NLN: variants seen among roughly 807,000 people sequenced by gnomAD.
NLN encodes the protein neurolysin.
NLN carries 64 observed loss-of-function variants against 79.9 expected under a neutral mutation model. That is an observed-to-expected ratio of 0.80 (90% confidence interval 0.65 to 0.99). NLN has a LOEUF of 0.99. NLN is among the 50% of genes least tolerant of loss of function. NLN has a pLI of 0.00. For missense variants in NLN, 835 were observed against 858.7 expected, an observed-to-expected ratio of 0.97 and a Z score of 0.34; for synonymous variants, 267 against 296.6, an observed-to-expected ratio of 0.90 and a Z score of 1.02.
At chr5:65,727,720 T>C (rs1463711167) in intron 1 of NLN, among the ~76,000 whole-genome samples, 1 of 152,172 alleles carries the variant, frequency 6.6e-6, no homozygotes, top group Non-Finnish European at 1.5e-5. Context: ...ACAATAGCTG[T>C]AATAGCCTAG....
At chr5:65,738,530 G>A (rs549520621) in intron 1 of NLN, among the ~76,000 whole-genome samples, 2 of 151,748 alleles carry the variant, frequency 1.3e-5, no homozygotes, top group Non-Finnish European at 2.9e-5. Flanking sequence ...CCGTGATTGC[G>A]CCACTGCACT....
intron 11 of NLN, among the ~76,000 whole-genome samples, chr5:65,811,502 C>G (rs1760543932): frequency 6.6e-6 from 1 of 151,920 alleles, no homozygotes; most frequent in Non-Finnish European, 1.5e-5. Context: ...AGTAGCCCTA[C>G]AGGTAGATTG....
chr5:65,790,252 G>A (rs1290525979), intron 8 of NLN, among the ~76,000 whole-genome samples: 1 of 152,108 alleles, frequency 6.6e-6, no homozygotes, highest in Non-Finnish European at 1.5e-5. Flanking sequence ...CTGACTTTGA[G>A]TGCTGAAAAG....
intron 9 of NLN, among the ~76,000 whole-genome samples, chr5:65,797,173 C>G (rs913879348): frequency 6.6e-6 from 1 of 152,184 alleles, no homozygotes; most frequent in African/African-American, 2.4e-5. Flanking sequence ...AATCACTAGC[C>G]TTTGAACTTC....
chr5:65,799,843 C>T (rs897249353), intron 9 of NLN, among the ~76,000 whole-genome samples: 12 of 152,012 alleles, frequency 7.9e-5, no homozygotes, highest in Admixed American at 2.6e-4. Flanking sequence ...AGTGATCACT[C>T]GGTATGTGTG....
intron 9 of NLN, among the ~76,000 whole-genome samples, chr5:65,795,645 C>CCACT (rs949801684): frequency 1.3e-5 from 2 of 152,112 alleles, no homozygotes; most frequent in Non-Finnish European, 1.5e-5. Context: ...CAAGATCGTG[C>CCACT]CACTGCACTC....
At chr5:65,769,473 A>G (rs892363706) in intron 3 of NLN, among the ~76,000 whole-genome samples, 2 of 152,226 alleles carry the variant, frequency 1.3e-5, no homozygotes. Flanking sequence ...TGTGATTATT[A>G]CATATTGCTT....
chr5:65,812,552 G>C (rs1023326108), intron 12 of NLN, among the ~76,000 whole-genome samples, 161 bp downstream of exon 12: 4 of 152,022 alleles, frequency 2.6e-5, no homozygotes, highest in Admixed American at 2.6e-4. Flanking sequence ...ACATCATTAA[G>C]TTGCAGTATA....
intron 1 of NLN, among the ~76,000 whole-genome samples, chr5:65,747,568 A>G (rs1759011289): frequency 1.3e-5 from 2 of 152,160 alleles, no homozygotes; most frequent in African/African-American, 4.8e-5. Context: ...TGAAACTACA[A>G]TTGGAAGCCC....
intron 3 of NLN, among the ~76,000 whole-genome samples, chr5:65,776,156 G>A (rs1229710255): frequency 1.3e-5 from 2 of 152,208 alleles, no homozygotes; most frequent in East Asian, 3.9e-4. Flanking sequence ...GGGAGGCCGA[G>A]GCATGAGAAT....
At chr5:65,822,581 C>T (rs1760826680) in intron 12 of NLN, among the ~76,000 whole-genome samples, 200 bp from the exon 13 acceptor site, 1 of 152,086 alleles carries the variant, frequency 6.6e-6, no homozygotes, top group African/African-American at 2.4e-5. Flanking sequence ...GTGTAGAAGA[C>T]CTGAAGTTTT....
chr5:65,803,668 C>T (rs1050728644), intron 9 of NLN, among the ~76,000 whole-genome samples: 12 of 151,638 alleles, frequency 7.9e-5, no homozygotes, highest in South Asian at 6.3e-4. Context: ...CTTAGGAAAC[C>T]GCAGCTGTGC....
chr5:65,818,812 G>A (rs1760729968), intron 12 of NLN: 1 of 152,102 alleles, frequency 6.6e-6, no homozygotes, highest in South Asian at 2.1e-4. Context: ...GAAGGAGACA[G>A]CTCTGGCTGC....
At chr5:65,735,757 A>G (rs906829468) in intron 1 of NLN, among the ~76,000 whole-genome samples, 16 of 152,140 alleles carry the variant, frequency 1.1e-4, no homozygotes, top group Non-Finnish European at 5.9e-5. Context: ...AAATCCCTAT[A>G]CAGTCTGACC....
chr5:65,812,339 C>T lies in NLN; in HGVS notation c.1928C>T (p.Ser643Phe), dbSNP rs1402294853. ...GGATATCTTTGGAGTGAAGTATTTT[C>T]CATGGATATGTTTTACAGCTGTTTT... is the stretch of plus-strand genomic sequence containing the variant. Reference protein sequence around the residue: ...YYGYLWSEVFSMDMFYSCFKK... With the variant: ...YYGYLWSEVFFMDMFYSCFKK... Residue 643 changes from serine to phenylalanine, a missense_variant, in exon 12 of 13, where the codon TCC becomes TTC. By Grantham distance (155) the Ser-to-Phe change is radical. Coordinates refer to ENST00000380985, the MANE Select transcript of NLN (RefSeq NM_020726.5). 6.3e-6 allele frequency: 10 copies of T among 1,578,188 alleles called. No homozygotes were observed. The highest frequency in any genetic ancestry group is 8.7e-6 in the Non-Finnish European group (10 of 1,147,526).
intron 3 of NLN, among the ~76,000 whole-genome samples, chr5:65,774,733 T>A (rs1309825): frequency 0.55 from 54,383 of 99,582 alleles, 10,835 homozygotes; most frequent in East Asian, 0.61. Flanking sequence ...ATATATATTT[T>A]TTTTTTTTTT....
rs770600210 is a variant in NLN, at chr5:65,788,536, C to T, written c.1325+52C>T. 2.6e-6 allele frequency: 4 copies of T among 1,549,764 alleles called. No homozygotes were observed. In the East Asian group the frequency reaches 9.0e-5, roughly 35 times the overall value. On this transcript the variant is annotated intron_variant, in intron 8 of 12. Transcript: ENST00000380985. ...GACCTTAGGGATTCAGCTATGCCTA[C>T]TTTAAGACTCTACTCTTGGCCAGGC...
intron 1 of NLN, among the ~76,000 whole-genome samples, chr5:65,739,238 T>A (rs1758820848): frequency 6.6e-6 from 1 of 151,654 alleles, no homozygotes; most frequent in Non-Finnish European, 1.5e-5. Flanking sequence ...TGAGATCAAC[T>A]TTTTTACATT....
rs1174882848 is a variant in NLN at position 65,823,070 on chromosome 5, T to G, written c.*155T>G. ...ATTTTAAAAATTATAAAGATGTAAATGGAATTATAAATACTGTGACCTAAG... is the reference window on the plus strand; with the variant it reads ...ATTTTAAAAATTATAAAGATGTAAAGGGAATTATAAATACTGTGACCTAAG... On this transcript the variant is annotated 3_prime_UTR_variant, in exon 13 of 13. Coordinates refer to ENST00000380985, the MANE Select transcript of NLN (RefSeq NM_020726.5). The G allele has an allele frequency of 3.4e-6, 2 of 590,812 alleles. No homozygotes were observed. 36.6% of individuals were successfully genotyped at this position (590,812 alleles called of 1,614,324 possible). A position where few individuals can be genotyped will look rare whatever the true frequency, so the allele number is the denominator to read the frequency against.
Sources: allele counts gnomAD v4.1 joint callset (sites outside exome capture counted in the v4.1 genomes callset), GRCh38; gene constraint gnomAD v4.1.1; transcripts MANE v1.5; gene names NCBI Gene and HGNC (gene_info 2026-07-23, HGNC 2026-07-21).